PDLIM7: variants seen among roughly 807,000 people sequenced by gnomAD.
The protein encoded by PDLIM7 is PDZ and LIM domain protein 7.
In PDLIM7, 37 loss-of-function variants were observed where a neutral mutation model predicts 53.9. The observed-to-expected ratio is 0.69, with a 90% CI of 0.53 to 0.90. The LOEUF is 0.90. Among genes scored for constraint, PDLIM7 ranks in the 40% least tolerant of loss-of-function variants. The probability of loss-of-function intolerance (pLI) is 0.00; values close to 1 mark genes in which losing one functional copy is unlikely to be tolerated. For synonymous variants in PDLIM7, 300 were observed against 261.3 expected, an observed-to-expected ratio of 1.15 and a Z score of -1.43; for missense variants, 617 against 638.5, an observed-to-expected ratio of 0.97 and a Z score of 0.36.
chr5:177,492,210 G>A, intron 4 of PDLIM7, 195 bp downstream of exon 4: 1 of 677,954 alleles, frequency 1.5e-6, no homozygotes, highest in Non-Finnish European at 2.4e-6. Context: ...GGACAGACAG[G>A]CGGACATGCG....
At chr5:177,493,000 A>G (rs1038929791) in intron 2 of PDLIM7, 6 of 354,946 alleles carry the variant, frequency 1.7e-5, no homozygotes, top group African/African-American at 1.0e-4. Flanking sequence ...AGAAATTGCT[A>G]TGATGTCCAC....
Position 177,488,211 on chromosome 5 carries a change from G to A in PDLIM7, c.907C>T (p.Pro303Ser), listed in dbSNP as rs377073776. Residue 303 changes from proline (P) to serine (S), a missense_variant, in exon 10 of 13, where the codon CCG becomes TCG. Coordinates refer to ENST00000355841, the MANE Select transcript of PDLIM7 (RefSeq NM_005451.5). ...YLVALGHAYH[P>S]EEFVCSQCGK... ...CACTGGCTACACACAAACTCCTCCG[G>A]GTGGTACGCGTGGCCCAGCGCCACC... 6 of 1,611,722 alleles carry A rather than the reference G, an allele frequency of 3.7e-6. No individual in the cohort carries two copies. The Admixed American group carries it at 5.0e-5, about 13-fold the overall frequency.
At chr5:177,492,472 C>G in intron 3 of PDLIM7, 37 bp from the exon 4 acceptor site, 1 of 1,613,654 alleles carries the variant, frequency 6.2e-7, no homozygotes, top group Non-Finnish European at 8.5e-7. Flanking sequence ...GGGCCGGGCC[C>G]GCAGGGATCC....
chr5:177,484,036 C>T, intron 11 of PDLIM7, 34 bp downstream of exon 11: 1 of 1,613,528 alleles, frequency 6.2e-7, no homozygotes. Flanking sequence ...GCCCCATGCA[C>T]CATCCCTCCT....
intron 7 of PDLIM7, 114 bp from the exon 8 acceptor site, chr5:177,489,946 G>A (rs926104430): frequency 9.1e-6 from 14 of 1,537,210 alleles, no homozygotes; most frequent in Admixed American, 5.9e-5. Context: ...GGAAACTGCC[G>A]AGTTGGATTC....
chr5:177,488,220 C>A lies in PDLIM7; in HGVS notation c.898G>T (p.Ala300Ser). The A allele has an allele frequency of 1.9e-6, 3 of 1,609,306 alleles. No individual in the cohort carries two copies. The highest frequency in any genetic ancestry group is 2.5e-6 in the Non-Finnish European group (3 of 1,177,748). Residue 300 changes from alanine to serine, a missense_variant, in exon 10 of 13, where the codon GCG (alanine) becomes TCG (serine). Ala to Ser is a moderately conservative substitution (Grantham distance 99). Coordinates refer to ENST00000355841, the MANE Select transcript of PDLIM7 (RefSeq NM_005451.5). Reference sequence around the variant, plus strand: ...CACACAAACTCCTCCGGGTGGTACGCGTGGCCCAGCGCCACCAGGTAGCGG... The same window carrying A: ...CACACAAACTCCTCCGGGTGGTACGAGTGGCCCAGCGCCACCAGGTAGCGG... ...RGRYLVALGH[A>S]YHPEEFVCSQ...
At position 177,489,757 on chromosome 5, in the gene PDLIM7, C is replaced by T. The variant is rs757693020; in HGVS notation, c.634+14G>A. 5 of 1,533,150 alleles carry T rather than the reference C, an allele frequency of 3.3e-6. No individual in the cohort carries two copies. Among genetic ancestry groups the T allele is most frequent in the Admixed American group, 3.9e-5 (2 of 51,096 alleles). 95.0% of individuals were successfully genotyped at this position (1,533,150 alleles called of 1,614,324 possible). ...TGCCCACCCTTGCCCAGGCCCGAGC[C>T]CACTCCCTCTCACCAGGCCAGGGCT... On this transcript the variant is annotated intron_variant, in intron 8 of 12. Coordinates refer to ENST00000355841, the MANE Select transcript of PDLIM7 (RefSeq NM_005451.5).
At chr5:177,497,339 G>A (rs1759142932) in intron 1 of PDLIM7, among the ~76,000 whole-genome samples, 189 bp downstream of exon 1, 1 of 152,042 alleles carries the variant, frequency 6.6e-6, no homozygotes, top group African/African-American at 2.4e-5. Context: ...AGGAAGCGGC[G>A]CAGGCGCCAA....
intron 12 of PDLIM7, 52 bp downstream of exon 12, chr5:177,483,815 T>C: frequency 3.1e-6 from 5 of 1,592,596 alleles, no homozygotes; most frequent in Non-Finnish European, 3.4e-6. Context: ...TCCTGGGGAA[T>C]GAACAGAGGG....
chr5:177,489,336 G>A (rs1758619529), intron 9 of PDLIM7, 57 bp downstream of exon 9: 9 of 1,310,072 alleles, frequency 6.9e-6, no homozygotes, highest in Non-Finnish European at 9.5e-6. Flanking sequence ...TGGGCAGACA[G>A]GTGGGGCTGG....
chr5:177,490,897 G>A lies in PDLIM7; in HGVS notation c.545C>T (p.Pro182Leu), dbSNP rs747471683. The change falls in exon 7 of 13, where the codon CCG becomes CTG. Residue 182 changes from proline to leucine, a missense_variant. By Grantham distance (98) the Pro-to-Leu change is moderately conservative. Transcript: ENST00000355841. ...HLTGTEFMQD[P>L]DEEHLKKSSQ... ...TGATTTCTTCAGGTGCTCCTCATCCGGGTCTTGCACTGAGAGGGCAGAGGC... is the reference window on the plus strand; with the variant it reads ...TGATTTCTTCAGGTGCTCCTCATCCAGGTCTTGCACTGAGAGGGCAGAGGC... The A allele has an allele frequency of 5.6e-6, 9 of 1,613,914 alleles. 1 individual carries two copies. Among genetic ancestry groups the A allele is most frequent in the East Asian group, 4.5e-5 (2 of 44,884 alleles).
chr5:177,484,199 A>G lies in PDLIM7; in HGVS notation c.1051-9T>C, dbSNP rs555364831. 214 of 1,612,478 alleles carry G rather than the reference A, an allele frequency of 1.3e-4. 2 individuals are homozygous for G. The South Asian group carries it at 2.0e-3, about 15-fold the overall frequency. On this transcript the variant is annotated splice_polypyrimidine_tract_variant and intron_variant, in intron 10 of 12. Transcript: ENST00000355841. ...AGGGCGTGCATGATCTCCTGGAAGG[A>G]GGTCCCAGTCACTCGGCAGGCTCAG...
intron 9 of PDLIM7, among the ~76,000 whole-genome samples, chr5:177,488,801 A>C (rs1344035985): frequency 1.3e-5 from 2 of 152,088 alleles, no homozygotes; most frequent in East Asian, 1.9e-4. Flanking sequence ...GAGGCAGGAG[A>C]ATCTCTTGAA....
chr5:177,491,689 C>T lies in PDLIM7; in HGVS notation c.398+118G>A, dbSNP rs1758792798. The T allele has an allele frequency of 2.0e-5, 13 of 661,264 alleles. No homozygotes were observed. In the South Asian group the frequency reaches 2.5e-4, roughly 13 times the overall value. The allele number at this position is 661,264 out of a possible 1,614,324, so 41.0% of individuals were successfully genotyped here. A position where few individuals can be genotyped will look rare whatever the true frequency, so the allele number is the denominator to read the frequency against. ...CAGCCCCACCCCGGCCGCCAGGGGG[C>T]GCTGCCGCACGGTTCCGCCGGGCTG... is the stretch of plus-strand genomic sequence containing the variant. On this transcript the variant is annotated intron_variant, in intron 5 of 12. Coordinates refer to ENST00000355841, the MANE Select transcript of PDLIM7 (RefSeq NM_005451.5).
rs531868077 is a variant in PDLIM7, at chr5:177,493,156, G to A, written c.97-479C>T. ...GGGCAGCTTCCTCCCCGAAACCACCGGGGGCTCTTATGGACCTCTCACCCC... is the reference window on the plus strand; with the variant it reads ...GGGCAGCTTCCTCCCCGAAACCACCAGGGGCTCTTATGGACCTCTCACCCC... On this transcript the variant is annotated intron_variant, in intron 2 of 12. Coordinates refer to ENST00000355841, the MANE Select transcript of PDLIM7 (RefSeq NM_005451.5). 5.9e-5 allele frequency among the ~76,000 whole-genome samples: 9 copies of A among 152,260 alleles called. No homozygotes were observed. The South Asian group carries it at 6.2e-4, about 11-fold the overall frequency.
rs1159555951 is a variant in PDLIM7 at position 177,492,400 on chromosome 5, C to T, written c.279+5G>A. ...ACCGCCCGGATGTCCCGGCCAGCCT[C>T]GTACCTTCTGCGGTTTGCTCTGAAC... On this transcript the variant is annotated splice_donor_5th_base_variant and intron_variant, in intron 4 of 12. Coordinates refer to ENST00000355841, the MANE Select transcript of PDLIM7 (RefSeq NM_005451.5). 1.9e-6 allele frequency: 3 copies of T among 1,613,190 alleles called. No homozygotes were observed. The highest frequency in any genetic ancestry group is 2.2e-5 in the East Asian group (1 of 44,866).
chr5:177,484,260 G>A, intron 10 of PDLIM7, 70 bp from the exon 11 acceptor site: 2 of 1,583,856 alleles, frequency 1.3e-6, no homozygotes, highest in South Asian at 2.2e-5. Context: ...CGGGAACACA[G>A]GAGGGCTGGC....
intron 1 of PDLIM7, 21 bp from the exon 2 acceptor site, chr5:177,496,544 G>A (rs771958844): frequency 1.3e-6 from 2 of 1,527,114 alleles, no homozygotes; most frequent in Non-Finnish European, 1.8e-6. Flanking sequence ...AGAAGAGAAG[G>A]TGAGTGGCCA....
In PDLIM7 at chr5:177,492,506, A is replaced by C. The variant is rs535411267; in HGVS notation, c.248+20T>G. The stretch of plus-strand genomic sequence containing the variant: ...CCCCACTGCCAGCGCGGGCGCACCC[A>C]TCCATGTCCACCCGCATACCTGCTG... On this transcript the variant is annotated intron_variant, in intron 3 of 12. Coordinates refer to ENST00000355841, the MANE Select transcript of PDLIM7 (RefSeq NM_005451.5). 6.2e-7 allele frequency: 1 copy of C among 1,613,598 alleles called. No homozygotes were observed. Among genetic ancestry groups the C allele is most frequent in the Non-Finnish European group, 8.5e-7 (1 of 1,179,846 alleles).
Sources: gnomAD v4.1 joint callset for allele counts (sites outside exome capture counted in the v4.1 genomes callset) on GRCh38, gnomAD v4.1.1 for gene constraint, MANE v1.5 for transcripts, NCBI Gene and HGNC (gene_info 2026-07-23, HGNC 2026-07-21) for gene names.